EYS: variants seen among roughly 807,000 people sequenced by gnomAD.
EYS encodes the protein EGF-like photoreceptor maintenance factor, also known as protein eyes shut homolog.
A neutral mutation model predicts 282.1 loss-of-function variants in EYS; 250 were observed. That is an observed-to-expected ratio of 0.89 (90% CI 0.80 to 0.98). EYS has a LOEUF of 0.98. Ranked by LOEUF, EYS falls within the 50% of genes least tolerant of loss-of-function variation. EYS has a pLI of 0.00. For missense variants in EYS, 4,016 were observed against 3,709.0 expected, an observed-to-expected ratio of 1.08 and a Z score of -2.15; for synonymous variants, 1,355 against 1,282.9, an observed-to-expected ratio of 1.06 and a Z score of -1.20.
intron 29 of EYS, among the ~76,000 whole-genome samples, chr6:64,311,038 ATTTAG>A (rs929065875): frequency 1.4e-4 from 21 of 151,942 alleles, no homozygotes; most frequent in African/African-American, 5.1e-4. Flanking sequence ...TATTTAATGT[ATTTAG>A]TTTTTTAAAT....
intron 26 of EYS, among the ~76,000 whole-genome samples, chr6:64,525,911 C>CT (rs1435203161): frequency 6.6e-6 from 1 of 151,688 alleles, no homozygotes; most frequent in Non-Finnish European, 1.5e-5. Context: ...ACACAACCAC[C>CT]TGTACACAAT....
chr6:65,186,912 C>T (rs1765529316), intron 12 of EYS, among the ~76,000 whole-genome samples: 1 of 151,660 alleles, frequency 6.6e-6, no homozygotes, highest in South Asian at 2.1e-4. Context: ...GGAAAATATG[C>T]TGAGGCAAGT....
chr6:64,305,549 T>A (rs1447069084), intron 30 of EYS, among the ~76,000 whole-genome samples: 1 of 152,118 alleles, frequency 6.6e-6, no homozygotes, highest in African/African-American at 2.4e-5. Context: ...TATTGACTAA[T>A]GGAGTAGAAT....
At chr6:65,585,920 C>T (rs1426873238) in intron 2 of EYS, among the ~76,000 whole-genome samples, 3 of 151,896 alleles carry the variant, frequency 2.0e-5, no homozygotes, top group African/African-American at 7.2e-5. Flanking sequence ...TAGGTTGTTG[C>T]AAAAGTAATT....
intron 33 of EYS, among the ~76,000 whole-genome samples, chr6:64,008,125 G>T (rs1372553450): frequency 1.3e-5 from 2 of 152,094 alleles, no homozygotes; most frequent in South Asian, 2.1e-4. Flanking sequence ...TTCTTCATAG[G>T]TCTCTAAGAA....
chr6:64,373,724 G>C (rs1049328936), intron 29 of EYS, among the ~76,000 whole-genome samples: 4 of 152,168 alleles, frequency 2.6e-5, no homozygotes, highest in Non-Finnish European at 5.9e-5. Context: ...AGAGCATCTG[G>C]GTTCCTCCAG....
At chr6:64,750,852 C>T (rs893562420) in intron 22 of EYS, among the ~76,000 whole-genome samples, 9 of 152,106 alleles carry the variant, frequency 5.9e-5, no homozygotes, top group South Asian at 2.1e-4. Flanking sequence ...TGGAGGCATT[C>T]GGCTGAGAAA....
intron 31 of EYS, among the ~76,000 whole-genome samples, chr6:64,132,720 T>G (rs1389005420): frequency 6.6e-6 from 1 of 151,842 alleles, no homozygotes; most frequent in Non-Finnish European, 1.5e-5. Flanking sequence ...AAATATTCAG[T>G]ATATTCAATA....
intron 24 of EYS, among the ~76,000 whole-genome samples, chr6:64,607,659 A>G (rs182935689): frequency 6.6e-5 from 10 of 152,130 alleles, no homozygotes; most frequent in Admixed American, 5.2e-4. Flanking sequence ...ACAAACACTC[A>G]GGCCATAACA....
At chr6:64,228,216 G>A (rs10214803) in intron 31 of EYS, among the ~76,000 whole-genome samples, 5,158 of 152,166 alleles carry the variant, frequency 0.034, 280 homozygotes, top group African/African-American at 0.12. Context: ...ATGACAGAAA[G>A]AGGCAAGATA....
chr6:65,245,638 T>G (rs1009012987), intron 12 of EYS, among the ~76,000 whole-genome samples: 3 of 152,084 alleles, frequency 2.0e-5, no homozygotes, highest in African/African-American at 7.2e-5. Context: ...GTTTTTCTTC[T>G]AAATTACATT....
intron 9 of EYS, among the ~76,000 whole-genome samples, chr6:65,348,052 A>G (rs951181052): frequency 6.0e-5 from 9 of 150,946 alleles, no homozygotes; most frequent in African/African-American, 2.0e-4. Flanking sequence ...GTTGTTGCAA[A>G]TGACAGGATC....
intron 15 of EYS, among the ~76,000 whole-genome samples, chr6:64,942,339 CA>C (rs1769116566): frequency 7.0e-6 from 1 of 143,382 alleles, no homozygotes; most frequent in Non-Finnish European, 1.5e-5. Flanking sequence ...AAACTAATTC[CA>C]AACCTAGCAA....
At chr6:64,854,078 A>G (rs1195042088) in intron 19 of EYS, among the ~76,000 whole-genome samples, 1 of 151,976 alleles carries the variant, frequency 6.6e-6, no homozygotes, top group Non-Finnish European at 1.5e-5. Flanking sequence ...TAGAATGGCT[A>G]TCATTATAAA....
intron 36 of EYS, among the ~76,000 whole-genome samples, chr6:63,837,228 G>A (rs147727143): frequency 3.4e-4 from 52 of 152,150 alleles, no homozygotes; most frequent in African/African-American, 1.2e-3. Flanking sequence ...TTTTCTACAT[G>A]CTACTCATAG....
chr6:64,533,970 A>T (rs779084252), intron 26 of EYS, among the ~76,000 whole-genome samples: 1 of 152,074 alleles, frequency 6.6e-6, no homozygotes, highest in South Asian at 2.1e-4. Context: ...ATAAGAATAT[A>T]CAAAACTAAT....
intron 26 of EYS, among the ~76,000 whole-genome samples, chr6:64,585,291 G>A (rs9452062): frequency 9.3e-4 from 142 of 152,128 alleles, no homozygotes; most frequent in Middle Eastern, 3.4e-3. Context: ...CATAAACATA[G>A]GACCAGCAGA....
rs1314806920 is a variant in EYS at position 65,318,611 on chromosome 6, A to T, written c.1766+16369T>A. ...TGTATATATAATTTATATGTAATAT[A>T]ATATATATAAAATATATATAATTTA... On this transcript the variant is annotated intron_variant, in intron 11 of 42. Coordinates refer to ENST00000503581, the MANE Select transcript of EYS (RefSeq NM_001142800.2). Among the ~76,000 whole-genome samples, 3 of 147,506 alleles carry T rather than the reference A, an allele frequency of 2.0e-5. No individual in the cohort carries two copies. The Admixed American group carries it at 2.0e-4, about 10-fold the overall frequency.
At chr6:63,840,125 G>T (rs962759456) in intron 36 of EYS, among the ~76,000 whole-genome samples, 6 of 148,062 alleles carry the variant, frequency 4.1e-5, no homozygotes, top group Non-Finnish European at 8.9e-5. Flanking sequence ...TCTGCTCACT[G>T]CAAGCTCTGC....
Sources: allele counts gnomAD v4.1 joint callset (sites outside exome capture counted in the v4.1 genomes callset), GRCh38; gene constraint gnomAD v4.1.1; transcripts MANE v1.5; gene names NCBI Gene and HGNC (gene_info 2026-07-23, HGNC 2026-07-21).